RAF1: variants seen among roughly 807,000 people sequenced by gnomAD.
RAF1 encodes Raf-1 proto-oncogene, serine/threonine kinase.
A neutral mutation model predicts 81.1 loss-of-function variants in RAF1; 27 were observed. The observed-to-expected ratio is 0.33, with a 90% CI of 0.25 to 0.46. RAF1 has a LOEUF of 0.46. RAF1 is among the 20% of genes least tolerant of loss of function. The probability of loss-of-function intolerance (pLI) is 1.00; values close to 1 mark genes in which losing one functional copy is unlikely to be tolerated. For synonymous variants in RAF1, 298 were observed against 294.0 expected (o/e 1.01, Z -0.14); for missense variants, 598 against 826.0 (o/e 0.72, Z 3.38).
intron 11 of RAF1, among the ~76,000 whole-genome samples, chr3:12,598,520 T>G (rs1476325627): frequency 3.3e-5 from 5 of 151,812 alleles, no homozygotes; most frequent in Admixed American, 3.3e-4. Context: ...ACTGCTTGAG[T>G]CCAGGAGTTG....
At chr3:12,660,580 C>G (rs2060844154) in intron 1 of RAF1, among the ~76,000 whole-genome samples, 1 of 152,068 alleles carries the variant, frequency 6.6e-6, no homozygotes, top group Admixed American at 6.6e-5. Context: ...TCCCAAAGTG[C>G]TGGGCTTACA....
intron 1 of RAF1, among the ~76,000 whole-genome samples, chr3:12,634,877 A>G (rs2125509692): frequency 6.6e-6 from 1 of 152,350 alleles, no homozygotes; most frequent in Non-Finnish European, 1.5e-5. Context: ...CATTAATAAA[A>G]TAGTATAGCA....
At chr3:12,588,802 A>G (rs965224377) in intron 13 of RAF1, 2 of 152,174 alleles carry the variant, frequency 1.3e-5, no homozygotes, top group East Asian at 3.8e-4. Context: ...GTCCACTCCA[A>G]ATCTCAAGTT....
intron 1 of RAF1, among the ~76,000 whole-genome samples, chr3:12,631,292 A>C (rs1271156891): frequency 6.6e-6 from 1 of 152,148 alleles, no homozygotes; most frequent in Non-Finnish European, 1.5e-5. Flanking sequence ...TATCTAATTG[A>C]GTTGTTACTA....
At position 12,650,888 on chromosome 3, in the gene RAF1, A is replaced by G. The variant is rs5746156; in HGVS notation, c.-27+12925T>C. ...TAAGGTCACTTCTAGCTTGAGTGGA[A>G]GAAGAGGTAGACAAGGATATTTCAT... On this transcript the variant is annotated intron_variant, in intron 1 of 17. Transcript: ENST00000442415. 4.7e-3 allele frequency among the ~76,000 whole-genome samples: 722 copies of G among 152,272 alleles called. 8 individuals carry two copies. The highest frequency in any genetic ancestry group is 0.016 in the African/African-American group (670 of 41,562).
chr3:12,629,357 G>A (rs953146623), intron 1 of RAF1, among the ~76,000 whole-genome samples: 1 of 151,914 alleles, frequency 6.6e-6, no homozygotes. Flanking sequence ...AAACTCACTA[G>A]GCAACAAGAT....
intron 13 of RAF1, chr3:12,588,133 T>G (rs2058390659): frequency 6.6e-6 from 1 of 152,600 alleles, no homozygotes; most frequent in African/African-American, 2.4e-5. Flanking sequence ...AAGCATCAGT[T>G]TTACTCTAAA....
chr3:12,592,961 G>T (rs191333525), intron 11 of RAF1, among the ~76,000 whole-genome samples: 1 of 151,312 alleles, frequency 6.6e-6, no homozygotes, highest in Non-Finnish European at 1.5e-5. Context: ...GGATGGTCTC[G>T]ATCTCCTGAC....
At chr3:12,644,093 A>G (rs976887130) in intron 1 of RAF1, among the ~76,000 whole-genome samples, 18 of 152,218 alleles carry the variant, frequency 1.2e-4, no homozygotes, top group Non-Finnish European at 1.9e-4. Flanking sequence ...CCTGTAAAAA[A>G]TAAGAAAGCA....
At chr3:12,606,415 A>AT (rs1401893670) in intron 5 of RAF1, 116 bp from the exon 6 acceptor site, 9 of 735,516 alleles carry the variant, frequency 1.2e-5, no homozygotes, top group Non-Finnish European at 2.0e-5. Flanking sequence ...TCCCAGTCAC[A>AT]TTTTCCTCAA....
At position 12,604,547 on chromosome 3, in the gene RAF1, T is replaced by A. The variant is rs185819637; in HGVS notation, c.681-258A>T. Among the ~76,000 whole-genome samples the A allele has an allele frequency of 3.3e-5, 5 of 152,298 alleles. No homozygotes were observed. In the East Asian group the frequency reaches 5.8e-4, roughly 18 times the overall value. On this transcript the variant is annotated intron_variant, in intron 6 of 17. Transcript: ENST00000442415. The stretch of plus-strand genomic sequence containing the variant: ...AAAGGAGAGTGCATTATAAGTTTTC[T>A]TTTTTTAAATAAAGCACCACTCTAC...
chr3:12,617,405 G>A (rs5746190), intron 2 of RAF1, among the ~76,000 whole-genome samples: 15 of 152,046 alleles, frequency 9.9e-5, no homozygotes, highest in Non-Finnish European at 1.8e-4. Flanking sequence ...GTAAGCCACT[G>A]CACCAGGCCT....
chr3:12,594,523 C>T (rs1044777162), intron 11 of RAF1, among the ~76,000 whole-genome samples: 19 of 152,236 alleles, frequency 1.2e-4, no homozygotes, highest in Non-Finnish European at 2.5e-4. Flanking sequence ...TGTTCTGGCC[C>T]TAATCAGTAA....
chr3:12,589,308 G>T (rs571148351), intron 13 of RAF1: 1 of 152,248 alleles, frequency 6.6e-6, no homozygotes, highest in East Asian at 1.9e-4. Flanking sequence ...TTAAAAGGGG[G>T]AATTTTATGA....
At chr3:12,613,680 T>C (rs765282655) in intron 2 of RAF1, among the ~76,000 whole-genome samples, 1 of 152,102 alleles carries the variant, frequency 6.6e-6, no homozygotes, top group Non-Finnish European at 1.5e-5. Context: ...GCATAGTATG[T>C]GGATGCAAAG....
chr3:12,617,422 T>C (rs1023138892), intron 2 of RAF1, among the ~76,000 whole-genome samples: 4 of 152,134 alleles, frequency 2.6e-5, no homozygotes, highest in African/African-American at 9.7e-5. Flanking sequence ...GCCTACTTTT[T>C]TGAATTTTTT....
intron 5 of RAF1, chr3:12,608,359 G>A (rs532829134): frequency 1.5e-3 from 247 of 166,878 alleles, no homozygotes; most frequent in Middle Eastern, 3.1e-3. Flanking sequence ...AGCATCAACG[G>A]TGCTTTCTGC....
At chr3:12,617,417 C>CT (rs1314327665) in intron 2 of RAF1, among the ~76,000 whole-genome samples, 1 of 151,890 alleles carries the variant, frequency 6.6e-6, no homozygotes, top group African/African-American at 2.4e-5. Context: ...ACCAGGCCTA[C>CT]TTTTTTGAAT....
intron 1 of RAF1, among the ~76,000 whole-genome samples, chr3:12,654,430 C>CAT (rs951520585): frequency 6.6e-6 from 1 of 151,916 alleles, no homozygotes; most frequent in Non-Finnish European, 1.5e-5. Flanking sequence ...GGCAAAACCC[C>CAT]ATCTCTACAA....
Sources: gnomAD v4.1 joint callset for allele counts (sites outside exome capture counted in the v4.1 genomes callset) on GRCh38, gnomAD v4.1.1 for gene constraint, MANE v1.5 for transcripts, NCBI Gene and HGNC (gene_info 2026-07-23, HGNC 2026-07-21) for gene names.